Variants in CYP19A1 observed in about 807,000 individuals in gnomAD.
The protein encoded by CYP19A1 is aromatase.
In CYP19A1, 32 loss-of-function variants were observed where a neutral mutation model predicts 44.4. The ratio of observed to expected loss-of-function variants is 0.72; its 90% confidence interval spans 0.54 to 0.97. The LOEUF (loss-of-function observed/expected upper bound fraction) is 0.97, where lower values mean the gene tolerates loss of function less well. Ranked by LOEUF, CYP19A1 falls within the 50% of genes least tolerant of loss-of-function variation. The probability of loss-of-function intolerance (pLI) is 0.00; values close to 1 mark genes in which losing one functional copy is unlikely to be tolerated. For synonymous variants in CYP19A1, 212 were observed against 215.6 expected, an observed-to-expected ratio of 0.98 and a Z score of 0.14; for missense variants, 598 against 637.8, an observed-to-expected ratio of 0.94 and a Z score of 0.67.
intron 6 of CYP19A1, among the ~76,000 whole-genome samples, chr15:51,216,678 C>T (rs1443921867): frequency 6.6e-6 from 1 of 152,126 alleles, no homozygotes; most frequent in East Asian, 1.9e-4. Context: ...TTAGTTTCTG[C>T]CACATTGTAA....
intron 2 of CYP19A1, among the ~76,000 whole-genome samples, chr15:51,240,450 T>C (rs10519295): frequency 0.063 from 9,514 of 152,174 alleles, 443 homozygotes; most frequent in Non-Finnish European, 0.092. Context: ...CTTTAAATCA[T>C]TATAAGTCCC....
intron 1 of CYP19A1, among the ~76,000 whole-genome samples, chr15:51,323,451 G>T (rs1305088629): frequency 6.6e-6 from 1 of 151,076 alleles, no homozygotes; most frequent in Non-Finnish European, 1.5e-5. Flanking sequence ...TTTATGGCAT[G>T]AAAACCTTCC....
At chr15:51,250,694 G>C (rs2034273671) in intron 1 of CYP19A1, among the ~76,000 whole-genome samples, 1 of 152,164 alleles carries the variant, frequency 6.6e-6, no homozygotes, top group Non-Finnish European at 1.5e-5. Flanking sequence ...CTATTGCATT[G>C]GGGTTGCCTG....
intron 8 of CYP19A1, among the ~76,000 whole-genome samples, chr15:51,213,414 C>G (rs1159519399): frequency 6.6e-6 from 1 of 152,200 alleles, no homozygotes; most frequent in African/African-American, 2.4e-5. Context: ...GCAGCCCTGT[C>G]TCATATACAA....
chr15:51,326,938 C>T (rs2036617340), intron 1 of CYP19A1, among the ~76,000 whole-genome samples: 1 of 152,132 alleles, frequency 6.6e-6, no homozygotes, highest in Non-Finnish European at 1.5e-5. Context: ...ACTAGCTTGC[C>T]CATGACCATA....
chr15:51,214,466 A>C (rs3825800), intron 8 of CYP19A1, among the ~76,000 whole-genome samples: 64,651 of 151,838 alleles, frequency 0.43, 15,000 homozygotes, highest in Non-Finnish European at 0.53. Context: ...ATGTATCACT[A>C]CCCTGTCTTT....
chr15:51,306,721 G>A (rs1403364965), intron 1 of CYP19A1, among the ~76,000 whole-genome samples: 2 of 152,226 alleles, frequency 1.3e-5, no homozygotes, highest in Non-Finnish European at 1.5e-5. Context: ...TAACACAGAA[G>A]CAAGTTACAG....
At chr15:51,232,760 C>G (rs2033126637) in intron 3 of CYP19A1, among the ~76,000 whole-genome samples, 1 of 152,224 alleles carries the variant, frequency 6.6e-6, no homozygotes, top group Non-Finnish European at 1.5e-5. Flanking sequence ...GGACCAGCCA[C>G]CATCACCTCT....
chr15:51,263,397 A>G (rs2034801132), intron 1 of CYP19A1, among the ~76,000 whole-genome samples: 1 of 152,246 alleles, frequency 6.6e-6, no homozygotes, highest in Non-Finnish European at 1.5e-5. Flanking sequence ...GAGATAAAGT[A>G]GAGGCAGTGC....
At chr15:51,258,625 G>A (rs1247349692) in intron 1 of CYP19A1, among the ~76,000 whole-genome samples, 1 of 88,090 alleles carries the variant, frequency 1.1e-5, no homozygotes, top group South Asian at 3.3e-4. Context: ...AGCTTGGACT[G>A]GAGTCCAGGC....
intron 2 of CYP19A1, among the ~76,000 whole-genome samples, chr15:51,239,548 T>C (rs2033617394): frequency 6.6e-6 from 1 of 152,042 alleles, no homozygotes. Flanking sequence ...GAAGAATACA[T>C]AATGTATGAA....
intron 1 of CYP19A1, 166 bp from the exon 2 acceptor site, chr15:51,243,116 GC>G (rs2141124501): frequency 1.7e-6 from 1 of 589,540 alleles, no homozygotes; most frequent in African/African-American, 1.9e-5. Flanking sequence ...AAACAAGGAA[GC>G]CCAAGAAAGA....
chr15:51,222,833 T>C (rs936403705), intron 4 of CYP19A1, among the ~76,000 whole-genome samples: 1 of 152,176 alleles, frequency 6.6e-6, no homozygotes, highest in Non-Finnish European at 1.5e-5. Context: ...AAATGAAACA[T>C]TTAGTACTTG....
At chr15:51,272,601 T>C (rs1402626733) in intron 1 of CYP19A1, among the ~76,000 whole-genome samples, 1 of 152,222 alleles carries the variant, frequency 6.6e-6, no homozygotes, top group Admixed American at 6.5e-5. Context: ...AACTGTATAT[T>C]AATGAGTTCG....
At chr15:51,219,752 G>A (rs184296362) in intron 5 of CYP19A1, among the ~76,000 whole-genome samples, 1 of 152,350 alleles carries the variant, frequency 6.6e-6, no homozygotes, top group African/African-American at 2.4e-5. Flanking sequence ...AATGAATGGA[G>A]AGATTTACAA....
intron 1 of CYP19A1, among the ~76,000 whole-genome samples, chr15:51,292,405 C>A (rs979132587): frequency 1.3e-5 from 2 of 152,226 alleles, no homozygotes; most frequent in African/African-American, 4.8e-5. Flanking sequence ...ATCATCCAGT[C>A]CAGTCCTCCA....
At chr15:51,277,281 G>C (rs1311980480) in intron 1 of CYP19A1, 1 of 151,968 alleles carries the variant, frequency 6.6e-6, no homozygotes, top group Non-Finnish European at 1.5e-5. Flanking sequence ...GCCCCAAGTG[G>C]GTTTATAATT....
chr15:51,274,728 T>C (rs1469185767), intron 1 of CYP19A1, among the ~76,000 whole-genome samples: 1 of 152,228 alleles, frequency 6.6e-6, no homozygotes, highest in Admixed American at 6.5e-5. Context: ...ATTCTAGGAC[T>C]GGCTACAGCC....
At chr15:51,281,504 A>T (rs907920988) in intron 1 of CYP19A1, among the ~76,000 whole-genome samples, 1 of 152,170 alleles carries the variant, frequency 6.6e-6, no homozygotes, top group Non-Finnish European at 1.5e-5. Flanking sequence ...AGTCACATCC[A>T]GACATACAGC....
Sources: allele counts gnomAD v4.1 joint callset (sites outside exome capture counted in the v4.1 genomes callset), GRCh38; gene constraint gnomAD v4.1.1; transcripts MANE v1.5; gene names NCBI Gene and HGNC (gene_info 2026-07-23, HGNC 2026-07-21).